Variants in ODR4 observed in about 807,000 individuals in gnomAD.
ODR4 encodes the protein protein odr-4 homolog.
Under a neutral mutation model 60.2 loss-of-function variants are expected in ODR4, and 47 were observed. The observed-to-expected ratio is 0.78, with a 90% CI of 0.62 to 1.00. The LOEUF is 1.00. ODR4 is among the 50% of genes least tolerant of loss of function. The probability of loss-of-function intolerance (pLI) is 0.00; values close to 1 mark genes in which losing one functional copy is unlikely to be tolerated. For missense variants in ODR4, 488 were observed against 530.8 expected, an observed-to-expected ratio of 0.92 and a Z score of 0.79; for synonymous variants, 178 against 175.5, an observed-to-expected ratio of 1.01 and a Z score of -0.11.
intron 13 of ODR4, 32 bp downstream of exon 13, chr1:186,417,686 A>G (rs1661624226): frequency 2.7e-6 from 3 of 1,112,366 alleles, no homozygotes; most frequent in Non-Finnish European, 4.0e-6. Flanking sequence ...ATAACACTGA[A>G]AACATATTTA....
chr1:186,422,583 T>C (rs1661812147), downstream of ODR4, among the ~76,000 whole-genome samples: 1 of 152,142 alleles, frequency 6.6e-6, no homozygotes, highest in African/African-American at 2.4e-5. Context: ...AAATGGATAA[T>C]CAGAAGCAAG....
At chr1:186,424,668 C>T (rs899424188), downstream of ODR4, among the ~76,000 whole-genome samples, 1 of 151,798 alleles carries the variant, frequency 6.6e-6, no homozygotes, top group African/African-American at 2.4e-5. Context: ...CTGGATTGGG[C>T]TTGAAACATC....
At chr1:186,428,558 T>C in the ODR4 span, among the ~76,000 whole-genome samples, 3 of 152,220 alleles carry the variant, frequency 2.0e-5, no homozygotes, top group Admixed American at 6.5e-5. Flanking sequence ...GGAGTAGCAC[T>C]TTTAATTTCT....
At chr1:186,381,845 C>G (rs1180826693) in intron 2 of ODR4, among the ~76,000 whole-genome samples, 1 of 152,044 alleles carries the variant, frequency 6.6e-6, no homozygotes, top group East Asian at 1.9e-4. Flanking sequence ...TAACTGAGAC[C>G]TACTTTCTTT....
intron 12 of ODR4, among the ~76,000 whole-genome samples, chr1:186,412,303 G>A (rs532032166): frequency 6.6e-6 from 1 of 152,264 alleles, no homozygotes; most frequent in Admixed American, 6.5e-5. Context: ...AATGAACAGA[G>A]AAGAGTCAGA....
At chr1:186,398,230 TA>T in intron 9 of ODR4, 82 bp from the exon 10 acceptor site, 1 of 1,271,246 alleles carries the variant, frequency 7.9e-7, no homozygotes. Context: ...TCTCTCTTCA[TA>T]AAATCGCTAA....
chr1:186,419,097 T>C lies in ODR4; in HGVS notation c.*21T>C, dbSNP rs371493047. On this transcript the variant is annotated 3_prime_UTR_variant, in exon 14 of 14. Coordinates refer to ENST00000287859, the MANE Select transcript of ODR4 (RefSeq NM_017847.6). The stretch of plus-strand genomic sequence containing the variant: ...ATTAGGGTGAGGCACAAAGAGTTTC[T>C]TGATCATCCAGAGAACATTGACAGA... 2.6e-5 allele frequency: 42 copies of C among 1,590,698 alleles called. No homozygotes were observed. In the South Asian group the frequency reaches 4.0e-4, roughly 15 times the overall value.
chr1:186,423,270 T>A (rs1272918501), downstream of ODR4, among the ~76,000 whole-genome samples: 2 of 152,056 alleles, frequency 1.3e-5, no homozygotes, highest in Non-Finnish European at 2.9e-5. Context: ...CTTACTGATA[T>A]TAAATCAGAG....
intron 9 of ODR4, among the ~76,000 whole-genome samples, chr1:186,395,846 G>A (rs551909255): frequency 7.1e-4 from 108 of 151,908 alleles, no homozygotes; most frequent in African/African-American, 2.4e-3. Flanking sequence ...TACAACAGCC[G>A]GACACTGATT....
intron 3 of ODR4, among the ~76,000 whole-genome samples, chr1:186,385,152 A>T (rs866608278): frequency 6.6e-6 from 1 of 151,970 alleles, no homozygotes; most frequent in African/African-American, 2.4e-5. Context: ...AGAAAGATGT[A>T]CTAGGATTTT....
chr1:186,382,618 C>A (rs1047846165), intron 2 of ODR4, among the ~76,000 whole-genome samples: 26 of 152,156 alleles, frequency 1.7e-4, no homozygotes, highest in African/African-American at 6.0e-4. Flanking sequence ...CTTGTTGTTT[C>A]ATTTTACTAA....
intron 4 of ODR4, among the ~76,000 whole-genome samples, chr1:186,387,331 G>A (rs991269685): frequency 3.3e-5 from 5 of 151,894 alleles, no homozygotes; most frequent in African/African-American, 1.2e-4. Flanking sequence ...ATTCTCTTTG[G>A]CATTTTGAAA....
intron 2 of ODR4, among the ~76,000 whole-genome samples, chr1:186,381,003 C>A (rs559609382): frequency 6.6e-6 from 1 of 152,328 alleles, no homozygotes; most frequent in African/African-American, 2.4e-5. Flanking sequence ...GAGGGCAGAT[C>A]TACATGGTTC....
chr1:186,382,688 G>A (rs996454294), intron 2 of ODR4, among the ~76,000 whole-genome samples: 2 of 152,128 alleles, frequency 1.3e-5, no homozygotes, highest in Admixed American at 6.6e-5. Context: ...AACTGAATAA[G>A]CATATTACTT....
At chr1:186,403,280 G>A (rs1472342413) in intron 11 of ODR4, among the ~76,000 whole-genome samples, 2 of 151,024 alleles carry the variant, frequency 1.3e-5, no homozygotes, top group East Asian at 3.9e-4. Flanking sequence ...TACATAGTAG[G>A]TATATATATA....
chr1:186,412,478 A>T (rs1412786020), intron 12 of ODR4, among the ~76,000 whole-genome samples: 2 of 152,160 alleles, frequency 1.3e-5, no homozygotes, highest in African/African-American at 2.4e-5. Flanking sequence ...CTAGAAGTAT[A>T]AGTTTCATCA....
chr1:186,383,014 T>G lies in ODR4; in HGVS notation c.100-8T>G. On this transcript the variant is annotated splice_region_variant and splice_polypyrimidine_tract_variant and intron_variant, in intron 2 of 13. Coordinates refer to ENST00000287859, the MANE Select transcript of ODR4 (RefSeq NM_017847.6). ...CACTCTAACAAGCTTTTTAATTTGT[T>G]GTTGAAGTGTTCGTCACAAAAGGAT... The G allele has an allele frequency of 6.3e-7, 1 of 1,579,204 alleles. No individual in the cohort carries two copies. Among genetic ancestry groups the G allele is most frequent in the Non-Finnish European group, 8.6e-7 (1 of 1,162,076 alleles).
At chr1:186,376,961 T>C (rs1659799112) in intron 1 of ODR4, among the ~76,000 whole-genome samples, 1 of 152,176 alleles carries the variant, frequency 6.6e-6, no homozygotes, top group Non-Finnish European at 1.5e-5. Context: ...TATACAACAT[T>C]TCTGGAAAAT....
intron 12 of ODR4, among the ~76,000 whole-genome samples, chr1:186,416,209 T>C (rs1011101139): frequency 6.6e-6 from 1 of 152,174 alleles, no homozygotes; most frequent in African/African-American, 2.4e-5. Flanking sequence ...TATCTAATTA[T>C]TTGAAATTAT....
Sources: gnomAD v4.1 joint callset for allele counts (sites outside exome capture counted in the v4.1 genomes callset) on GRCh38, gnomAD v4.1.1 for gene constraint, MANE v1.5 for transcripts, NCBI Gene and HGNC (gene_info 2026-07-23, HGNC 2026-07-21) for gene names.